MIS18BP1: variants seen among roughly 807,000 people sequenced by gnomAD.
The protein encoded by MIS18BP1 is mis18-binding protein 1.
Under a neutral mutation model 116.1 loss-of-function variants are expected in MIS18BP1, and 72 were observed. The observed-to-expected ratio is 0.62, with a 90% CI of 0.51 to 0.75. MIS18BP1 has a LOEUF of 0.75. Ranked by LOEUF, MIS18BP1 falls within the 30% of genes least tolerant of loss-of-function variation. The probability of loss-of-function intolerance (pLI) is 0.00; values close to 1 mark genes in which losing one functional copy is unlikely to be tolerated. For synonymous variants in MIS18BP1, 386 were observed against 427.0 expected (o/e 0.90, Z 1.18); for missense variants, 1,363 against 1,303.2 (o/e 1.05, Z -0.71).
chr14:45,242,738 A>T (rs748627358), intron 3 of MIS18BP1, 23 bp downstream of exon 3: 2 of 1,580,454 alleles, frequency 1.3e-6, no homozygotes, highest in South Asian at 1.1e-5. Context: ...TAACAAACTG[A>T]AAACAAACCA....
chr14:45,249,419 C>T (rs2139258522), intron 1 of MIS18BP1, among the ~76,000 whole-genome samples: 1 of 152,048 alleles, frequency 6.6e-6, no homozygotes, highest in South Asian at 2.1e-4. Context: ...CAGAGTTTCC[C>T]TATGTTGCCC....
At chr14:45,226,965 G>A (rs1271979234) in intron 9 of MIS18BP1, 129 bp from the exon 10 acceptor site, 2 of 695,834 alleles carry the variant, frequency 2.9e-6, no homozygotes, top group Non-Finnish European at 2.0e-6. Context: ...TTCATTAGTG[G>A]ACACATTCCG....
At chr14:45,240,627 G>C (rs770748732) in intron 4 of MIS18BP1, among the ~76,000 whole-genome samples, 1 of 152,058 alleles carries the variant, frequency 6.6e-6, no homozygotes, top group Non-Finnish European at 1.5e-5. Context: ...ACAAAAAGTA[G>C]TGTAGCAGCT....
At chr14:45,219,578 AT>A (rs1046755113) in intron 11 of MIS18BP1, among the ~76,000 whole-genome samples, 3 of 152,210 alleles carry the variant, frequency 2.0e-5, no homozygotes, top group Admixed American at 2.0e-4. Flanking sequence ...AGTTTATATA[AT>A]TTTTTAATGA....
intron 6 of MIS18BP1, 62 bp downstream of exon 6, chr14:45,235,752 T>C (rs1409443534): frequency 4.2e-6 from 6 of 1,430,920 alleles, no homozygotes; most frequent in Non-Finnish European, 5.7e-6. Flanking sequence ...TGTATTACTG[T>C]GAGAAACATG....
rs775564264 is a variant in MIS18BP1, at chr14:45,226,735, T to C, written c.1840+8A>G. The C allele has an allele frequency of 4.1e-5, 56 of 1,371,054 alleles. No homozygotes were observed. Among genetic ancestry groups the C allele is most frequent in the African/African-American group, 2.0e-4 (13 of 66,566 alleles). 84.9% of individuals were successfully genotyped at this position (1,371,054 alleles called of 1,614,324 possible). Reference sequence around the variant, plus strand: ...CTTATGATTAAAAAACCATTAAAGATATATTACCTTGCTTCTGACTTTTTA... The same window carrying C: ...CTTATGATTAAAAAACCATTAAAGACATATTACCTTGCTTCTGACTTTTTA... On this transcript the variant is annotated splice_region_variant and intron_variant, in intron 10 of 16. Coordinates refer to ENST00000310806, the MANE Select transcript of MIS18BP1 (RefSeq NM_018353.5).
Position 45,224,685 on chromosome 14 carries a change from T to G in MIS18BP1, c.1902A>C (p.Ser634=). The change falls in exon 11 of 17, where the codon TCA becomes TCC. Residue 634 remains serine (S), a synonymous_variant. Transcript: ENST00000310806. ...DILTSREQFF[S]DEERKYMAIN... Reference sequence around the variant, plus strand: ...TGGCCATGTATTTTCTTTCTTCATCTGAGAAAAACTGTTCCCTTGAGGTTA... The same window carrying G: ...TGGCCATGTATTTTCTTTCTTCATCGGAGAAAAACTGTTCCCTTGAGGTTA... The G allele has an allele frequency of 6.2e-7, 1 of 1,609,854 alleles. No individual in the cohort carries two copies. The highest frequency in any genetic ancestry group is 8.5e-7 in the Non-Finnish European group (1 of 1,178,890).
chr14:45,216,424 T>G (rs969970862), intron 13 of MIS18BP1, among the ~76,000 whole-genome samples: 3 of 152,240 alleles, frequency 2.0e-5, no homozygotes, highest in Non-Finnish European at 1.5e-5. Context: ...CTTGGATTAC[T>G]AACTAAAATG....
chr14:45,243,816 T>G (rs946865013), intron 2 of MIS18BP1, among the ~76,000 whole-genome samples: 7 of 152,180 alleles, frequency 4.6e-5, no homozygotes, highest in Non-Finnish European at 1.0e-4. Context: ...CCCAGGTTCA[T>G]GTAGACTCTC....
intron 1 of MIS18BP1, among the ~76,000 whole-genome samples, chr14:45,251,580 T>C (rs1891875480): frequency 1.3e-5 from 2 of 151,968 alleles, no homozygotes; most frequent in Middle Eastern, 3.4e-3. Context: ...AACTGGGACA[T>C]AGAATTAGGG....
chr14:45,249,875 A>AAAT (rs548859721), intron 1 of MIS18BP1, among the ~76,000 whole-genome samples: 11 of 152,274 alleles, frequency 7.2e-5, no homozygotes, highest in African/African-American at 2.2e-4. Context: ...CTCCAACTGA[A>AAAT]AATAATAATA....
At chr14:45,228,610 G>A (rs1482920525) in intron 8 of MIS18BP1, among the ~76,000 whole-genome samples, 1 of 152,120 alleles carries the variant, frequency 6.6e-6, no homozygotes, top group Non-Finnish European at 1.5e-5. Flanking sequence ...CAGTTACTAA[G>A]CTGGAATTCT....
rs1891738588 is a variant in MIS18BP1, at chr14:45,246,978, T to C, written c.309A>G (p.Lys103=). ...CTGGTGATTCATAGTTTGCTTTATT[T>C]TTTAATCCATCCTTGTTGGGCTTTA... The part of the protein sequence containing the change: ...SAIKPNKDGL[K]NKANYESPGK... Residue 103 remains lysine (K), a synonymous_variant, in exon 2 of 17, where the codon AAA becomes AAG. Coordinates refer to ENST00000310806, the MANE Select transcript of MIS18BP1 (RefSeq NM_018353.5). 2 of 1,610,614 alleles carry C rather than the reference T, an allele frequency of 1.2e-6. No individual in the cohort carries two copies. The highest frequency in any genetic ancestry group is 3.4e-5 in the Admixed American group (2 of 59,354).
rs1000048 is a variant in MIS18BP1, at chr14:45,235,806, T to A, written c.1348+8A>T. On this transcript the variant is annotated splice_region_variant and intron_variant, in intron 6 of 16. Coordinates refer to ENST00000310806, the MANE Select transcript of MIS18BP1 (RefSeq NM_018353.5). ...TAAAATAACTTATCAATAATGACAG[T>A]CATTTACCTGCTTCTTTCATGGAAA... 13,679 of 1,592,442 alleles carry A rather than the reference T, an allele frequency of 8.6e-3. 917 individuals are homozygous for A. The African/African-American group carries it at 0.15, about 18-fold the overall frequency.
At chr14:45,211,015 G>A (rs570287382) in intron 13 of MIS18BP1, among the ~76,000 whole-genome samples, 3 of 152,274 alleles carry the variant, frequency 2.0e-5, no homozygotes, top group Middle Eastern at 3.4e-3. Flanking sequence ...ACCGAGTAGC[G>A]TGGCTTCAAA....
intron 11 of MIS18BP1, among the ~76,000 whole-genome samples, chr14:45,220,704 A>G (rs1890948980): frequency 6.6e-6 from 1 of 152,226 alleles, no homozygotes. Flanking sequence ...CACTGAAAGA[A>G]TGCACCCTAA....
At chr14:45,217,499 A>G (rs2139164779) in intron 12 of MIS18BP1, among the ~76,000 whole-genome samples, 1 of 152,324 alleles carries the variant, frequency 6.6e-6, no homozygotes, top group Middle Eastern at 3.4e-3. Flanking sequence ...CTATAGAACA[A>G]ATGATTATTT....
intron 11 of MIS18BP1, 74 bp downstream of exon 11, chr14:45,223,844 T>A: frequency 9.0e-7 from 1 of 1,111,964 alleles, no homozygotes; most frequent in Non-Finnish European, 1.3e-6. Context: ...GTTAACCCCT[T>A]ATTGCTATTT....
At position 45,227,808 on chromosome 14, in the gene MIS18BP1, T is replaced by C. The variant is rs149994258; in HGVS notation, c.1601A>G (p.Lys534Arg). 1.6e-4 allele frequency: 256 copies of C among 1,613,298 alleles called. No homozygotes were observed. Among genetic ancestry groups the C allele is most frequent in the Non-Finnish European group, 2.0e-4 (237 of 1,179,586 alleles). The change falls in exon 9 of 17, where the codon AAG becomes AGG. Residue 534 changes from lysine to arginine, a missense_variant. Lys to Arg is a conservative substitution (Grantham distance 26, BLOSUM62 2). Transcript: ENST00000310806. ...YDFDCDNLEL[K>R]SNKHSESPGA... ...TGGTGACTCACTGTGCTTATTACTC[T>C]TCAGTTCTATGAATACAAAGATGGA...
Sources: gnomAD v4.1 joint callset for allele counts (sites outside exome capture counted in the v4.1 genomes callset) on GRCh38, gnomAD v4.1.1 for gene constraint, MANE v1.5 for transcripts, NCBI Gene and HGNC (gene_info 2026-07-23, HGNC 2026-07-21) for gene names.